PRKCE: variants seen among roughly 807,000 people sequenced by gnomAD.
The protein encoded by PRKCE is protein kinase C epsilon type.
PRKCE carries 16 observed loss-of-function variants against 85.4 expected under a neutral mutation model. That is an observed-to-expected ratio of 0.19 (90% confidence interval 0.13 to 0.28). PRKCE has a LOEUF of 0.28. Ranked by LOEUF, PRKCE falls within the 10% of genes least tolerant of loss-of-function variation. The pLI is 1.00. For missense variants in PRKCE, 573 were observed against 975.2 expected, an observed-to-expected ratio of 0.59 and a Z score of 5.49; for synonymous variants, 388 against 371.5, an observed-to-expected ratio of 1.04 and a Z score of -0.51.
chr2:45,919,390 C>T (rs924795176), intron 2 of PRKCE, among the ~76,000 whole-genome samples: 1 of 152,226 alleles, frequency 6.6e-6, no homozygotes, highest in Admixed American at 6.5e-5. Flanking sequence ...GCTAGAGAAA[C>T]CACAGGAAAG....
intron 6 of PRKCE, among the ~76,000 whole-genome samples, chr2:45,986,022 G>C (rs1703295904): frequency 6.6e-6 from 1 of 152,252 alleles, no homozygotes; most frequent in Non-Finnish European, 1.5e-5. Flanking sequence ...AACACCATGA[G>C]GGTGGGTACC....
At chr2:45,723,487 C>T (rs930124657) in intron 1 of PRKCE, among the ~76,000 whole-genome samples, 2 of 152,106 alleles carry the variant, frequency 1.3e-5, no homozygotes, top group Admixed American at 1.3e-4. Context: ...ACGGTGTTGC[C>T]CTTTTTTCTA....
At chr2:45,864,585 G>T (rs1693432428) in intron 2 of PRKCE, among the ~76,000 whole-genome samples, 2 of 152,152 alleles carry the variant, frequency 1.3e-5, no homozygotes, top group Admixed American at 6.5e-5. Flanking sequence ...ACATTTTTAT[G>T]AACATCGGTT....
In PRKCE at chr2:45,744,466, T is replaced by C. The variant is rs1183800539; in HGVS notation, c.348+92018T>C. On this transcript the variant is annotated intron_variant, in intron 1 of 14. Coordinates refer to ENST00000306156, the MANE Select transcript of PRKCE (RefSeq NM_005400.3). ...CTTTCTTTCTTTCTTTCTTTCTTTC[T>C]TTCTTTCTTTCTTTCTTTCTTTTTC... is the stretch of plus-strand genomic sequence containing the variant. Among the ~76,000 whole-genome samples, 58 of 58,150 alleles carry C rather than the reference T, an allele frequency of 1.0e-3. 1 individual carries two copies. The South Asian group carries it at 0.018, about 18-fold the overall frequency. 38.1% of individuals were successfully genotyped at this position (58,150 alleles called of 152,430 possible).
intron 1 of PRKCE, among the ~76,000 whole-genome samples, chr2:45,759,539 G>A (rs892971277): frequency 3.9e-5 from 6 of 152,226 alleles, no homozygotes; most frequent in African/African-American, 1.2e-4. Flanking sequence ...CAAGGGCTGC[G>A]GTGGCTGGGA....
intron 10 of PRKCE, among the ~76,000 whole-genome samples, chr2:46,085,141 C>T (rs943149537): frequency 3.3e-5 from 5 of 152,102 alleles, no homozygotes; most frequent in East Asian, 1.9e-4. Flanking sequence ...AGTCAAGAAA[C>T]GGTGCAAAGA....
intron 11 of PRKCE, among the ~76,000 whole-genome samples, chr2:46,105,612 G>C (rs191215110): frequency 6.6e-6 from 1 of 152,018 alleles, no homozygotes; most frequent in Non-Finnish European, 1.5e-5. Context: ...CTAGTGAATG[G>C]CACTACAGTA....
intron 1 of PRKCE, among the ~76,000 whole-genome samples, chr2:45,784,724 A>G (rs1419666360): frequency 2.0e-5 from 3 of 152,220 alleles, no homozygotes; most frequent in African/African-American, 7.2e-5. Flanking sequence ...ACAGTGATGA[A>G]GCTACGCCTG....
intron 6 of PRKCE, among the ~76,000 whole-genome samples, chr2:45,993,992 T>G (rs1370111675): frequency 6.6e-6 from 1 of 152,110 alleles, no homozygotes; most frequent in East Asian, 1.9e-4. Context: ...GTAGCTCAGT[T>G]GAACTGTCCA....
rs34888247 is a variant in PRKCE at position 45,653,370 on chromosome 2, G to GTTTTTTTTTTTTTTTTT, written c.348+931_348+947dup. Among the ~76,000 whole-genome samples the GTTTTTTTTTTTTTTTTT allele has an allele frequency of 2.6e-4, 16 of 61,482 alleles. 1 individual carries two copies. Among genetic ancestry groups the GTTTTTTTTTTTTTTTTT allele is most frequent in the Non-Finnish European group, 3.6e-4 (12 of 33,560 alleles). 40.3% of individuals were successfully genotyped at this position (61,482 alleles called of 152,430 possible). ...TGCTTTTTGTGTTTGTTTTTGGGTTGTTTTTTTTTTTTTTTTTTTTTTTTT... is the reference window on the plus strand; with the variant it reads ...TGCTTTTTGTGTTTGTTTTTGGGTTGTTTTTTTTTTTTTTTTTTTTTTTTTTTTTTTTTTTTTTTTTT... On this transcript the variant is annotated intron_variant, in intron 1 of 14. Coordinates refer to ENST00000306156, the MANE Select transcript of PRKCE (RefSeq NM_005400.3).
chr2:45,976,668 C>T (rs1482935743), intron 3 of PRKCE, 80 bp downstream of exon 3: 9 of 1,477,962 alleles, frequency 6.1e-6, no homozygotes, highest in Non-Finnish European at 5.5e-6. Context: ...AGACTATGCA[C>T]CTCATTTAAA....
intron 1 of PRKCE, among the ~76,000 whole-genome samples, chr2:45,678,976 GA>G (rs1312616845): frequency 1.3e-5 from 2 of 152,122 alleles, no homozygotes; most frequent in East Asian, 3.8e-4. Context: ...TCACGCAAAA[GA>G]AAGGCTTACA....
chr2:45,868,412 G>T (rs1270663734), intron 2 of PRKCE, among the ~76,000 whole-genome samples: 1 of 149,854 alleles, frequency 6.7e-6, no homozygotes, highest in African/African-American at 2.4e-5. Context: ...GTACACTAAG[G>T]TATAAGTAGT....
At chr2:46,020,602 C>T (rs144763309) in intron 10 of PRKCE, among the ~76,000 whole-genome samples, 37 of 152,284 alleles carry the variant, frequency 2.4e-4, no homozygotes, top group African/African-American at 8.9e-4. Context: ...GTTTAGATCA[C>T]GCACAGAAGT....
chr2:45,846,206 A>G (rs1405895568), intron 2 of PRKCE, among the ~76,000 whole-genome samples: 1 of 152,174 alleles, frequency 6.6e-6, no homozygotes, highest in Non-Finnish European at 1.5e-5. Flanking sequence ...TGTAATTCTC[A>G]CCTGTGCAAA....
At chr2:46,056,222 A>G (rs1349971458) in intron 10 of PRKCE, among the ~76,000 whole-genome samples, 1 of 150,382 alleles carries the variant, frequency 6.6e-6, no homozygotes, top group Non-Finnish European at 1.5e-5. Context: ...TTACTTCTTC[A>G]CGGTTAATGT....
At chr2:45,719,463 C>T (rs569344617) in intron 1 of PRKCE, among the ~76,000 whole-genome samples, 6 of 152,268 alleles carry the variant, frequency 3.9e-5, no homozygotes, top group African/African-American at 1.2e-4. Flanking sequence ...GTCCTGTGGA[C>T]CACGGGAAGG....
chr2:46,057,539 A>G (rs1666701344), intron 10 of PRKCE, among the ~76,000 whole-genome samples: 1 of 151,726 alleles, frequency 6.6e-6, no homozygotes. Context: ...GGTTCAAGCT[A>G]TCATCCTGCT....
At chr2:46,111,766 G>A (rs774730767) in intron 11 of PRKCE, among the ~76,000 whole-genome samples, 1 of 152,196 alleles carries the variant, frequency 6.6e-6, no homozygotes, top group Non-Finnish European at 1.5e-5. Flanking sequence ...ACCTGCTGCT[G>A]TAAATATTAG....
Sources: gnomAD v4.1 joint callset for allele counts (sites outside exome capture counted in the v4.1 genomes callset) on GRCh38, gnomAD v4.1.1 for gene constraint, MANE v1.5 for transcripts, NCBI Gene and HGNC (gene_info 2026-07-23, HGNC 2026-07-21) for gene names.